Variants in SLCO1A2 observed in about 807,000 individuals in gnomAD.
The protein encoded by SLCO1A2 is solute carrier organic anion transporter family member 1A2, also known as OATP-1.
SLCO1A2 carries 67 observed loss-of-function variants against 69.0 expected under a neutral mutation model. The ratio of observed to expected loss-of-function variants is 0.97; its 90% CI spans 0.80 to 1.19. The LOEUF is 1.19. Ranked by LOEUF, SLCO1A2 falls within the 50% of genes most tolerant of loss-of-function variation. The pLI, the probability that SLCO1A2 is intolerant of heterozygous loss-of-function variation, is 0.00. For synonymous variants in SLCO1A2, 260 were observed against 265.9 expected, an observed-to-expected ratio of 0.98 and a Z score of 0.22; for missense variants, 787 against 793.7, an observed-to-expected ratio of 0.99 and a Z score of 0.10.
chr12:21,287,965 A>G (rs1241577074), intron 12 of SLCO1A2, among the ~76,000 whole-genome samples: 2 of 141,582 alleles, frequency 1.4e-5, no homozygotes, highest in East Asian at 2.1e-4. Context: ...TACATATGTA[A>G]CTAACCTGCA....
intron 2 of SLCO1A2, among the ~76,000 whole-genome samples, chr12:21,325,715 A>G (rs947688020): frequency 6.6e-6 from 1 of 152,196 alleles, no homozygotes; most frequent in Non-Finnish European, 1.5e-5. Flanking sequence ...TTTCAACCCC[A>G]TCAATTTTCA....
chr12:21,408,504 G>T (rs1941858161), intron 1 of SLCO1A2, among the ~76,000 whole-genome samples: 1 of 152,048 alleles, frequency 6.6e-6, no homozygotes, highest in Non-Finnish European at 1.5e-5. Flanking sequence ...TGTACTTAAA[G>T]ACCTGTGCTC....
chr12:21,378,349 G>A (rs143322681), intron 1 of SLCO1A2: 51 of 1,613,976 alleles, frequency 3.2e-5, no homozygotes, highest in African/African-American at 1.6e-4. Flanking sequence ...ATCTACCAAC[G>A]TGGGATCCAA....
chr12:21,409,539 A>G (rs1941874196), intron 1 of SLCO1A2, among the ~76,000 whole-genome samples: 2 of 152,214 alleles, frequency 1.3e-5, no homozygotes, highest in Admixed American at 1.3e-4. Flanking sequence ...TATTATATTT[A>G]GACCTTTATG....
chr12:21,383,705 TATG>T (rs1298100196), intron 1 of SLCO1A2, among the ~76,000 whole-genome samples: 2 of 152,194 alleles, frequency 1.3e-5, no homozygotes, highest in African/African-American at 4.8e-5. Context: ...TTATATTTGA[TATG>T]ATATTAGTGG....
exon 2 of SLCO1A2, chr12:21,374,520 C>G (rs982243971): frequency 5.3e-5 from 8 of 152,184 alleles, no homozygotes; most frequent in African/African-American, 1.9e-4. Context: ...AAGATTTCTA[C>G]AGCACCTACG....
At chr12:21,334,731 A>T (rs1322606401) in intron 1 of SLCO1A2, 22 bp from the exon 2 acceptor site, 1 of 1,069,538 alleles carries the variant, frequency 9.3e-7, no homozygotes, top group East Asian at 2.5e-5. Context: ...ACAAAAAAAT[A>T]TGTTAAATTA....
At chr12:21,284,532 C>T (rs1945402172) in intron 12 of SLCO1A2, among the ~76,000 whole-genome samples, 1 of 150,998 alleles carries the variant, frequency 6.6e-6, no homozygotes, top group Non-Finnish European at 1.5e-5. Flanking sequence ...GAATTCTCCA[C>T]CCCAAATCAA....
chr12:21,320,917 C>T (rs1314231644), intron 2 of SLCO1A2, among the ~76,000 whole-genome samples: 37 of 152,144 alleles, frequency 2.4e-4, no homozygotes, highest in Admixed American at 2.4e-3. Context: ...AACAAAACAC[C>T]TTCCCTCAGC....
At chr12:21,363,107 A>T (rs1160725193) in intron 2 of SLCO1A2, among the ~76,000 whole-genome samples, 1 of 152,204 alleles carries the variant, frequency 6.6e-6, no homozygotes, top group Non-Finnish European at 1.5e-5. Context: ...TCTCAGCAAC[A>T]CATCACACTT....
At chr12:21,279,836 T>C (rs1944480890) in intron 12 of SLCO1A2, among the ~76,000 whole-genome samples, 1 of 152,128 alleles carries the variant, frequency 6.6e-6, no homozygotes, top group Non-Finnish European at 1.5e-5. Context: ...TATAAACTAC[T>C]CTTAACTAGG....
intron 2 of SLCO1A2, among the ~76,000 whole-genome samples, chr12:21,323,608 A>C (rs567358237): frequency 6.6e-6 from 1 of 152,126 alleles, no homozygotes; most frequent in Non-Finnish European, 1.5e-5. Context: ...AACTTTAAAA[A>C]TACATATCTA....
Position 21,293,994 on chromosome 12 carries a change from G to A in SLCO1A2, c.1388C>T (p.Ser463Leu). The A allele has an allele frequency of 6.2e-7, 1 of 1,612,740 alleles. No homozygotes were observed. The highest frequency in any genetic ancestry group is 8.5e-7 in the Non-Finnish European group (1 of 1,179,406). ...TGTCTCACAACCAGCAAGACAAGCT[G>A]ACAGATATGACAAGCCATTGTTTCC... ...VCGNNGLSYL[S>L]ACLAGCETSI... Residue 463 changes from serine (S) to leucine (L), a missense_variant, in exon 11 of 15, where the codon TCA becomes TTA. By Grantham distance (145) the Ser-to-Leu change is moderately radical. Coordinates refer to ENST00000683939, the MANE Select transcript of SLCO1A2 (RefSeq NM_001386879.1).
chr12:21,356,546 A>C (rs912306794), intron 2 of SLCO1A2, among the ~76,000 whole-genome samples: 1 of 59,314 alleles, frequency 1.7e-5, no homozygotes, highest in African/African-American at 7.4e-5. Flanking sequence ...CATGATCATA[A>C]TATTTGAAAA....
Position 21,380,466 on chromosome 12 carries a change from G to A in SLCO1A2, c.-189-5941C>T, listed in dbSNP as rs953340374. ...TATATGGATACAGCAGATATTAATC[G>A]AAGATTTTATTCTGAAGTTTATTCA... On this transcript the variant is annotated intron_variant, in intron 1 of 15. Coordinates refer to the SLCO1A2 transcript ENST00000307378. Among the ~76,000 whole-genome samples, 8 of 152,116 alleles carry A rather than the reference G, an allele frequency of 5.3e-5. No individual in the cohort carries two copies. The East Asian group carries it at 1.2e-3, about 22-fold the overall frequency.
At chr12:21,347,702 A>AGGAAGGAAGGAAGGAAGGAAGAG (rs1555122088) in intron 2 of SLCO1A2, among the ~76,000 whole-genome samples, 1 of 148,202 alleles carries the variant, frequency 6.7e-6, no homozygotes, top group East Asian at 1.9e-4. Flanking sequence ...GGAAGGAAGA[A>AGGAAGGAAGGAAGGAAGGAAGAG]GGAAAAAAGG....
At chr12:21,309,665 T>G (rs1949862277) in intron 4 of SLCO1A2, among the ~76,000 whole-genome samples, 1 of 152,168 alleles carries the variant, frequency 6.6e-6, no homozygotes, top group South Asian at 2.1e-4. Flanking sequence ...CTTGTATACT[T>G]TCTTGGAAAG....
chr12:21,342,757 A>G (rs1441542773), intron 2 of SLCO1A2, among the ~76,000 whole-genome samples: 1 of 152,136 alleles, frequency 6.6e-6, no homozygotes, highest in African/African-American at 2.4e-5. Flanking sequence ...TCATCTATTC[A>G]TAAAAAATAA....
intron 8 of SLCO1A2, among the ~76,000 whole-genome samples, chr12:21,298,370 A>T (rs957917071): frequency 5.9e-5 from 9 of 152,146 alleles, no homozygotes; most frequent in Non-Finnish European, 1.2e-4. Flanking sequence ...TGCTTCTAGT[A>T]AATGTTCTTG....
Sources: allele counts gnomAD v4.1 joint callset (sites outside exome capture counted in the v4.1 genomes callset), GRCh38; gene constraint gnomAD v4.1.1; transcripts MANE v1.5; gene names NCBI Gene and HGNC (gene_info 2026-07-23, HGNC 2026-07-21).